The following PDLIM2 variants were observed in gnomAD, a reference collection of about 807,000 sequenced individuals.
The protein encoded by PDLIM2 is PDZ and LIM domain 2, also known as PDZ and LIM domain protein 2.
Under a neutral mutation model 54.1 loss-of-function variants are expected in PDLIM2, and 51 were observed. The observed-to-expected ratio is 0.94, with a 90% CI of 0.75 to 1.19. The LOEUF is 1.19. Among genes scored for constraint, PDLIM2 ranks in the 50% most tolerant of loss-of-function variants. The pLI is 0.00. For missense variants in PDLIM2, 912 were observed against 874.0 expected, an observed-to-expected ratio of 1.04 and a Z score of -0.55; for synonymous variants, 398 against 385.6, an observed-to-expected ratio of 1.03 and a Z score of -0.38.
exon 1 of PDLIM2, chr8:22,579,313 C>T: frequency 1.4e-6 from 2 of 1,424,402 alleles, no homozygotes; most frequent in South Asian, 1.4e-5. Context: ...GGAACCCTGG[C>T]CTCGTCCGCG....
chr8:22,591,737 TG>T, intron 9 of PDLIM2, 69 bp downstream of exon 8: 1 of 1,427,850 alleles, frequency 7.0e-7, no homozygotes, highest in Non-Finnish European at 9.6e-7. Flanking sequence ...GGGCACTGGA[TG>T]CTTTCAGGAA....
rs567103210 is a variant in PDLIM2, at chr8:22,585,490, G to A, written c.1290+91G>A. On this transcript the variant is annotated intron_variant, in intron 6 of 9. Transcript: ENST00000308354. ...GTGCCCCGGGACTGCAGGCGGCCAG[G>A]CCCACCTGGGCAGCCATGGCCTCCT... is the stretch of plus-strand genomic sequence containing the variant. 2.6e-5 allele frequency: 33 copies of A among 1,269,454 alleles called. No homozygotes were observed. In the African/African-American group the frequency reaches 3.0e-4, roughly 11 times the overall value. 78.6% of individuals were successfully genotyped at this position (1,269,454 alleles called of 1,614,324 possible).
intron 6 of PDLIM2, 41 bp from the exon 6 acceptor site, chr8:22,589,257 G>A (rs907965199): frequency 1.3e-6 from 2 of 1,531,448 alleles, no homozygotes; most frequent in Non-Finnish European, 1.7e-6. Flanking sequence ...TTGGCCCAAG[G>A]CTCTGGCCCT....
In PDLIM2 at chr8:22,581,416, G is replaced by A. The variant is rs772195717; in HGVS notation, c.881G>A (p.Arg294Gln). ...GGCAAAGCCAAGGACGCTGACCTCC[G>A]GCCTGGAGACATAATCGTGGCCATC... Residue 294 changes from arginine to glutamine, a missense_variant, in exon 3 of 10, where the codon CGG (arginine) becomes CAG (glutamine). Coordinates refer to ENST00000308354, the Ensembl canonical transcript of PDLIM2. 2.6e-5 allele frequency: 41 copies of A among 1,607,522 alleles called. No homozygotes were observed. The highest frequency in any genetic ancestry group is 4.5e-5 in the East Asian group (2 of 44,690).
chr8:22,591,642 T>C (rs765154634), exon 9 of PDLIM2: 717 of 1,612,852 alleles, frequency 4.4e-4, no homozygotes, highest in Non-Finnish European at 5.3e-4. Flanking sequence ...AGCTCCACAC[T>C]TGTGAGAAGT....
Position 22,583,854 on chromosome 8 carries a change from G to GAAAA in PDLIM2, c.996-940_996-937dup, listed in dbSNP as rs530039600. On this transcript the variant is annotated intron_variant, in intron 3 of 9. Transcript: ENST00000308354. ...TCAGTGACAAAGTCCAGGCAAAATA[G>GAAAA]AAAAAAAAAAAAAAAAAAAAAAAAA... Among the ~76,000 whole-genome samples, 79 of 79,108 alleles carry GAAAA rather than the reference G, an allele frequency of 1.0e-3. 1 individual carries two copies. The highest frequency in any genetic ancestry group is 3.1e-3 in the African/African-American group (58 of 18,490). The allele number at this position is 79,108 out of a possible 152,430, so 51.9% of individuals were successfully genotyped here.
intron 3 of PDLIM2, among the ~76,000 whole-genome samples, chr8:22,584,355 C>T (rs1346275766): frequency 5.3e-5 from 8 of 151,958 alleles, no homozygotes; most frequent in Non-Finnish European, 7.4e-5. Context: ...GTTGCCCAGG[C>T]TGGAAGGCAG....
intron 3 of PDLIM2, among the ~76,000 whole-genome samples, chr8:22,584,356 T>G (rs1800306806): frequency 6.6e-6 from 1 of 151,948 alleles, no homozygotes; most frequent in African/African-American, 2.4e-5. Flanking sequence ...TTGCCCAGGC[T>G]GGAAGGCAGT....
At chr8:22,584,523 C>T (rs1800315945) in intron 3 of PDLIM2, among the ~76,000 whole-genome samples, 1 of 152,174 alleles carries the variant, frequency 6.6e-6, no homozygotes, top group Admixed American at 6.5e-5. Flanking sequence ...GTTGCCCAGG[C>T]TGGTCTTGAA....
chr8:22,591,525 C>G (rs1563875181), intron 8 of PDLIM2, 26 bp from the exon 8 acceptor site: 1 of 1,601,594 alleles, frequency 6.2e-7, no homozygotes, highest in African/African-American at 1.3e-5. Context: ...GGGCTCTCAC[C>G]ACATGTCTGT....
chr8:22,594,789 G>A, downstream of PDLIM2: 1 of 1,344,028 alleles, frequency 7.4e-7, no homozygotes, highest in Non-Finnish European at 9.8e-7. Context: ...GGGAAAAAGG[G>A]CAGGGTGGCT....
In PDLIM2 at chr8:22,591,686, T is replaced by G. The variant is rs2117367122; in HGVS notation, c.1631+18T>G. 1 of 1,587,640 alleles carries G rather than the reference T, an allele frequency of 6.3e-7. No individual in the cohort carries two copies. Among genetic ancestry groups the G allele is most frequent in the Non-Finnish European group, 8.6e-7 (1 of 1,163,864 alleles). On this transcript the variant is annotated intron_variant, in intron 9 of 9. Transcript: ENST00000308354. Reference sequence around the variant, plus strand: ...AGCATCGCGTGAGTGTGGAGGGGGGTGGGGGACCTGAGCCTTCACAGGGGA... The same window carrying G: ...AGCATCGCGTGAGTGTGGAGGGGGGGGGGGGACCTGAGCCTTCACAGGGGA...
chr8:22,580,439 G>T, intron 1 of PDLIM2, 36 bp from the exon 1 acceptor site: 3 of 1,451,314 alleles, frequency 2.1e-6, no homozygotes, highest in Non-Finnish European at 2.7e-6. Context: ...CGGGCTGAGG[G>T]AGGGAGTTAG....
chr8:22,581,477 G>T (rs778710737), exon 3 of PDLIM2: 1 of 1,605,756 alleles, frequency 6.2e-7, no homozygotes, highest in Non-Finnish European at 8.5e-7. Flanking sequence ...TGCATGCCGA[G>T]GCCCAGAGCA....
At chr8:22,594,576 T>A (rs761542918), downstream of PDLIM2, 4 of 1,613,882 alleles carry the variant, frequency 2.5e-6, no homozygotes, top group Admixed American at 1.7e-5. Flanking sequence ...CTGGAAGCTT[T>A]GGAGGGGATG....
chr8:22,590,566 G>A (rs75905241), intron 8 of PDLIM2: 4,112 of 152,454 alleles, frequency 0.027, 83 homozygotes, highest in Middle Eastern at 0.058. Flanking sequence ...CTAGAACAGT[G>A]GGGAGAAGGG....
intron 6 of PDLIM2, among the ~76,000 whole-genome samples, chr8:22,586,616 C>A: frequency 6.6e-6 from 1 of 151,758 alleles, no homozygotes; most frequent in Non-Finnish European, 1.5e-5. Context: ...TTAGGGGGAA[C>A]CTTTGTTCTG....
intron 9 of PDLIM2, 167 bp downstream of exon 8, chr8:22,591,835 A>G: frequency 1.7e-6 from 1 of 599,414 alleles, no homozygotes; most frequent in Non-Finnish European, 2.8e-6. Flanking sequence ...GGCATTAGTT[A>G]CAGGCTTCTT....
intron 6 of PDLIM2, 21 bp downstream of exon 5, chr8:22,585,420 A>G: frequency 1.3e-6 from 2 of 1,593,466 alleles, no homozygotes; most frequent in Non-Finnish European, 1.7e-6. Flanking sequence ...CTGGGGGAGG[A>G]CAGGCTGGAG....
Sources: allele counts gnomAD v4.1 joint callset (sites outside exome capture counted in the v4.1 genomes callset), GRCh38; gene constraint gnomAD v4.1.1; transcripts MANE v1.5; gene names NCBI Gene and HGNC (gene_info 2026-07-23, HGNC 2026-07-21).